Variants in CSNK1E observed in about 807,000 individuals in gnomAD.
CSNK1E encodes the protein casein kinase 1 epsilon.
Under a neutral mutation model 46.1 loss-of-function variants are expected in CSNK1E, and 17 were observed. The ratio of observed to expected loss-of-function variants is 0.37; its 90% CI spans 0.25 to 0.55. CSNK1E has a LOEUF of 0.55. Among genes scored for constraint, CSNK1E ranks in the 20% least tolerant of loss-of-function variants. The pLI, the probability that CSNK1E is intolerant of heterozygous loss-of-function variation, is 0.82. For synonymous variants in CSNK1E, 241 were observed against 242.6 expected, an observed-to-expected ratio of 0.99 and a Z score of 0.06; for missense variants, 386 against 595.4, an observed-to-expected ratio of 0.65 and a Z score of 3.66.
chr22:38,305,432 TAA>T (rs10618230), intron 2 of CSNK1E, among the ~76,000 whole-genome samples: 5,720 of 113,846 alleles, frequency 0.05, 360 homozygotes, highest in African/African-American at 0.16. Context: ...TAAAGCCATT[TAA>T]AAAAAAAAAA....
In CSNK1E at chr22:38,307,537, G is replaced by A. The variant is rs927844099; in HGVS notation, c.77-4289C>T. Among the ~76,000 whole-genome samples, 16 of 152,164 alleles carry A rather than the reference G, an allele frequency of 1.1e-4. 1 individual carries two copies. Among genetic ancestry groups the A allele is most frequent in the Non-Finnish European group, 2.2e-4 (15 of 68,036 alleles). On this transcript the variant is annotated intron_variant, in intron 2 of 10. Coordinates refer to ENST00000396832, the MANE Select transcript of CSNK1E (RefSeq NM_152221.3). ...CTGCACTCCAGCCTGGCGACACAGC[G>A]AGACTCCGTCTCAAAACAAAAAAAA...
In CSNK1E at chr22:38,303,337, G is replaced by A. The variant is rs889457596; in HGVS notation, c.77-89C>T. 24 of 1,168,252 alleles carry A rather than the reference G, an allele frequency of 2.1e-5. No homozygotes were observed. The highest frequency in any genetic ancestry group is 1.3e-4 in the East Asian group (5 of 39,082). 72.4% of individuals were successfully genotyped at this position (1,168,252 alleles called of 1,614,324 possible). A position where few individuals can be genotyped will look rare whatever the true frequency, so the allele number is the denominator to read the frequency against. Reference sequence around the variant, plus strand: ...CCACTAAGCATTTCTGAGATCTGGCGTGTGCCGGGCCCGGGGCCATCTGCC... The same window carrying A: ...CCACTAAGCATTTCTGAGATCTGGCATGTGCCGGGCCCGGGGCCATCTGCC... On this transcript the variant is annotated intron_variant, in intron 2 of 10. Coordinates refer to ENST00000396832, the MANE Select transcript of CSNK1E (RefSeq NM_152221.3). This position sits in a 1 kb window ranked among gnomAD's most constrained non-coding sequence, Gnocchi z 4.7.
intron 7 of CSNK1E, chr22:38,297,082 C>T: frequency 1.3e-6 from 1 of 771,206 alleles, no homozygotes. Context: ...CCGACATTTC[C>T]AGTCTTGATT....
At chr22:38,301,022 G>A in intron 4 of CSNK1E, 70 bp from the exon 5 acceptor site, 2 of 1,335,596 alleles carry the variant, frequency 1.5e-6, no homozygotes, top group African/African-American at 2.9e-5. Context: ...GGCAGGGGCT[G>A]GGGCCACAGA....
chr22:38,317,652 G>T (rs1198382761), upstream of CSNK1E, among the ~76,000 whole-genome samples: 1 of 152,006 alleles, frequency 6.6e-6, no homozygotes, highest in African/African-American at 2.4e-5. Flanking sequence ...GCAGTCCAGG[G>T]CACAGGTGGA....
chr22:38,309,279 C>T lies in CSNK1E; in HGVS notation c.76+4803G>A, dbSNP rs528832449. On this transcript the variant is annotated intron_variant, in intron 2 of 10. Transcript: ENST00000396832. This position sits in a 1 kb window ranked among gnomAD's most constrained non-coding sequence, Gnocchi z 4.8. ...ACTACAGAGACCAGGCAAGAGCTGACGGTGGCCCTGCCTGGGCAGGGTGCA... is the reference window on the plus strand; with the variant it reads ...ACTACAGAGACCAGGCAAGAGCTGATGGTGGCCCTGCCTGGGCAGGGTGCA... Among the ~76,000 whole-genome samples, 2 of 152,260 alleles carry T rather than the reference C, an allele frequency of 1.3e-5. No homozygotes were observed. Among genetic ancestry groups the T allele is most frequent in the Admixed American group, 6.5e-5 (1 of 15,302 alleles).
intron 7 of CSNK1E, chr22:38,297,054 A>G (rs2092644572): frequency 1.3e-6 from 1 of 741,668 alleles, no homozygotes; most frequent in Non-Finnish European, 2.5e-6. Flanking sequence ...GATTACAGGC[A>G]TGAGCCACCA....
chr22:38,297,122 G>GTGGCCAA (rs765401331), intron 7 of CSNK1E: 19 of 778,762 alleles, frequency 2.4e-5, no homozygotes, highest in African/African-American at 1.9e-4. Context: ...TGTGTCGCAT[G>GTGGCCAA]TGGCCAATGG....
At position 38,291,646 on chromosome 22, in the gene CSNK1E, AG is replaced by A. The variant is rs1207488244; in HGVS notation, c.*324del. ...GGACCCGACCCGTTCCTCTCCAGGC[AG>A]GTGGTGGGTGGGGGCAGGAACAGGA... On this transcript the variant is annotated 3_prime_UTR_variant, in exon 11 of 11. Transcript: ENST00000396832. 6.6e-6 allele frequency: 1 copy of A among 152,266 alleles called. No homozygotes were observed. Among genetic ancestry groups the A allele is most frequent in the Admixed American group, 6.6e-5 (1 of 15,262 alleles). 9.4% of individuals were successfully genotyped at this position (152,266 alleles called of 1,614,324 possible).
intron 7 of CSNK1E, chr22:38,295,328 G>A (rs956046882): frequency 7.3e-6 from 5 of 681,700 alleles, no homozygotes; most frequent in Non-Finnish European, 9.1e-6. Flanking sequence ...CCTGGTGCAG[G>A]AGGAAGTGAG....
rs1340357006 is a variant in CSNK1E, at chr22:38,309,962, GC to G, written c.76+4119del. On this transcript the variant is annotated intron_variant, in intron 2 of 10. Transcript: ENST00000396832. This position sits in a 1 kb window ranked among gnomAD's most constrained non-coding sequence, Gnocchi z 4.8. Reference sequence around the variant, plus strand: ...GGTGGCCTCTAAATTCTATCAGGAAGCCGCCAGGCTTTTCTCTGAGCTCCCT... The same window carrying G: ...GGTGGCCTCTAAATTCTATCAGGAAGCGCCAGGCTTTTCTCTGAGCTCCCT... Among the ~76,000 whole-genome samples, 1 of 152,208 alleles carries G rather than the reference GC, an allele frequency of 6.6e-6. No homozygotes were observed. Among genetic ancestry groups the G allele is most frequent in the African/African-American group, 2.4e-5 (1 of 41,446 alleles).
chr22:38,312,361 C>T (rs2092724699), intron 2 of CSNK1E, among the ~76,000 whole-genome samples: 3 of 152,180 alleles, frequency 2.0e-5, no homozygotes, highest in Admixed American at 2.0e-4. Context: ...AAAGTGCTGG[C>T]GTTACAGGTG....
intron 6 of CSNK1E, among the ~76,000 whole-genome samples, chr22:38,299,234 C>T (rs1216005932): frequency 2.6e-5 from 4 of 152,232 alleles, no homozygotes; most frequent in East Asian, 1.9e-4. Flanking sequence ...CCGCTGCCCT[C>T]GCCAAGCACC....
At chr22:38,293,999 G>T in intron 9 of CSNK1E, 110 bp downstream of exon 9, 1 of 1,330,148 alleles carries the variant, frequency 7.5e-7, no homozygotes, top group Non-Finnish European at 1.0e-6. Flanking sequence ...TTCACTCCAA[G>T]GCAAGCAGCG....
chr22:38,317,828 C>T (rs1311555363), upstream of CSNK1E, among the ~76,000 whole-genome samples: 1 of 152,146 alleles, frequency 6.6e-6, no homozygotes, highest in African/African-American at 2.4e-5. Flanking sequence ...GGCGGCTATT[C>T]ACGACACTGC....
intron 1 of CSNK1E, among the ~76,000 whole-genome samples, chr22:38,315,802 C>T (rs142072403): frequency 3.6e-4 from 55 of 152,270 alleles, no homozygotes; most frequent in African/African-American, 1.3e-3. Context: ...TATAAATACC[C>T]GTGCCCTCTG....
intron 2 of CSNK1E, among the ~76,000 whole-genome samples, chr22:38,306,986 C>T (rs1433860038): frequency 6.6e-6 from 1 of 152,064 alleles, no homozygotes; most frequent in Non-Finnish European, 1.5e-5. Context: ...GCCTAAGCAA[C>T]ATAGTGAGAC....
At chr22:38,312,123 G>T (rs1355928833) in intron 2 of CSNK1E, among the ~76,000 whole-genome samples, 1 of 151,922 alleles carries the variant, frequency 6.6e-6, no homozygotes, top group Non-Finnish European at 1.5e-5. Context: ...TTGAGACATG[G>T]TCTCACTCTG....
intron 6 of CSNK1E, 103 bp from the exon 7 acceptor site, chr22:38,299,037 C>G (rs1195734646): frequency 1.5e-6 from 2 of 1,335,866 alleles, no homozygotes; most frequent in Non-Finnish European, 2.1e-6. Context: ...CTAGATACTT[C>G]CAATCTGTGA....
Sources: allele counts gnomAD v4.1 joint callset (sites outside exome capture counted in the v4.1 genomes callset), GRCh38; gene constraint gnomAD v4.1.1; non-coding constraint Gnocchi (gnomAD v3.1); transcripts MANE v1.5; gene names NCBI Gene and HGNC (gene_info 2026-07-23, HGNC 2026-07-21).